Variants in TUB observed in about 807,000 individuals in gnomAD.
TUB encodes tubby protein homolog.
TUB carries 33 observed loss-of-function variants against 59.7 expected under a neutral mutation model. That is an observed-to-expected ratio of 0.55 (90% CI 0.42 to 0.74). TUB has a LOEUF of 0.74. TUB is among the 30% of genes least tolerant of loss of function. The pLI is 0.00. For synonymous variants in TUB, 293 were observed against 256.4 expected, an observed-to-expected ratio of 1.14 and a Z score of -1.36; for missense variants, 659 against 672.0, an observed-to-expected ratio of 0.98 and a Z score of 0.21.
intron 2 of TUB, among the ~76,000 whole-genome samples, chr11:8,047,538 G>A (rs972045549): frequency 6.6e-6 from 1 of 152,182 alleles, no homozygotes; most frequent in African/African-American, 2.4e-5. Context: ...GAGATCCAAG[G>A]CCAGATGCCC....
chr11:8,060,285 C>T (rs1028782985), intron 2 of TUB, among the ~76,000 whole-genome samples: 1 of 152,300 alleles, frequency 6.6e-6, no homozygotes, highest in East Asian at 1.9e-4. Context: ...CTGCCTGGAC[C>T]TTGTTTCTGG....
chr11:8,088,255 G>C (rs1027460137), intron 1 of TUB, among the ~76,000 whole-genome samples: 1 of 152,222 alleles, frequency 6.6e-6, no homozygotes, highest in Non-Finnish European at 1.5e-5. Context: ...GTGGTGGGCA[G>C]TCTGTGTTAT....
At chr11:8,079,168 A>G (rs1397822360), upstream of TUB, among the ~76,000 whole-genome samples, 1 of 152,202 alleles carries the variant, frequency 6.6e-6, no homozygotes, top group Non-Finnish European at 1.5e-5. Context: ...TAATTTGGGA[A>G]TAAAGGGAGG....
chr11:8,031,590 G>C (rs941688397), intron 1 of TUB, among the ~76,000 whole-genome samples: 7 of 152,196 alleles, frequency 4.6e-5, no homozygotes, highest in Admixed American at 4.6e-4. Flanking sequence ...TGAGGTGAGG[G>C]GCTGTGGGGC....
At chr11:8,078,953 G>A (rs534779512), upstream of TUB, among the ~76,000 whole-genome samples, 3 of 152,084 alleles carry the variant, frequency 2.0e-5, no homozygotes, top group East Asian at 5.8e-4. Flanking sequence ...ATACACTGGC[G>A]CTCAGTCCCA....
rs1473675806 is a variant in TUB at position 8,098,778 on chromosome 11, A to C, written c.1019A>C (p.Lys340Thr). 1 of 1,614,066 alleles carries C rather than the reference A, an allele frequency of 6.2e-7. No homozygotes were observed. Among genetic ancestry groups the C allele is most frequent in the East Asian group, 2.2e-5 (1 of 44,878 alleles). ...GKLRSNLMGTKFTVYDNGVNP... is the reference protein window; with the variant it reads ...GKLRSNLMGTTFTVYDNGVNP... The stretch of plus-strand genomic sequence containing the variant: ...TTCAGGTCCAACTTGATGGGCACCA[A>C]GTTCACTGTTTATGACAATGGAGTC... The change falls in exon 9 of 12, where the codon AAG becomes ACG. Residue 340 changes from lysine to threonine, a missense_variant. Lys to Thr is a moderately conservative substitution (Grantham distance 78). Transcript: ENST00000299506.
intron 1 of TUB, among the ~76,000 whole-genome samples, chr11:8,021,057 A>G (rs940370823): frequency 6.6e-6 from 1 of 152,244 alleles, no homozygotes; most frequent in Non-Finnish European, 1.5e-5. Flanking sequence ...ATAAAAGCAG[A>G]AAGACTTTGG....
At chr11:8,032,808 C>T (rs950230258) in intron 1 of TUB, among the ~76,000 whole-genome samples, 1 of 152,208 alleles carries the variant, frequency 6.6e-6, no homozygotes, top group Non-Finnish European at 1.5e-5. Flanking sequence ...GCAACAATTT[C>T]AGAATCTAAC....
At chr11:8,085,222 G>A (rs1943642854) in intron 1 of TUB, among the ~76,000 whole-genome samples, 1 of 152,224 alleles carries the variant, frequency 6.6e-6, no homozygotes, top group African/African-American at 2.4e-5. Context: ...GGTCGCATTT[G>A]CATGGCTGAG....
intron 2 of TUB, among the ~76,000 whole-genome samples, chr11:8,063,420 T>C (rs1297837464): frequency 2.0e-5 from 3 of 152,248 alleles, no homozygotes; most frequent in African/African-American, 4.8e-5. Flanking sequence ...CAGCATGAAG[T>C]AGCCGACTGC....
In TUB at chr11:8,094,091, G is replaced by A. The variant is rs927244436; in HGVS notation, c.299G>A (p.Arg100His). The A allele has an allele frequency of 1.7e-5, 27 of 1,614,050 alleles. No homozygotes were observed. Among genetic ancestry groups the A allele is most frequent in the African/African-American group, 6.7e-5 (5 of 74,910 alleles). Residue 100 changes from arginine (R) to histidine (H), a missense_variant, in exon 4 of 12, where the codon CGC (arginine) becomes CAC (histidine). Transcript: ENST00000299506. Reference sequence around the variant, plus strand: ...GCCAGTGTGCAGCTGGGAGCCACGCGCCCAACAGCACCAGCTTCAGCCAAG... The same window carrying A: ...GCCAGTGTGCAGCTGGGAGCCACGCACCCAACAGCACCAGCTTCAGCCAAG... ...SLASVQLGATRPTAPASAKRT... is the reference protein window; with the variant it reads ...SLASVQLGATHPTAPASAKRT...
At chr11:8,086,551 CA>C (rs1462767875) in intron 1 of TUB, among the ~76,000 whole-genome samples, 1 of 152,148 alleles carries the variant, frequency 6.6e-6, no homozygotes, top group East Asian at 1.9e-4. Context: ...TAGCTAGGAA[CA>C]CCCACCTGGT....
chr11:8,096,629 C>T, intron 5 of TUB, 56 bp from the exon 6 acceptor site: 1 of 1,186,282 alleles, frequency 8.4e-7, no homozygotes, highest in South Asian at 1.2e-5. Context: ...ATGTGTATTT[C>T]AGGGGCAGCG....
At chr11:8,089,529 A>C in intron 1 of TUB, 81 bp from the exon 2 acceptor site, 2 of 1,568,192 alleles carry the variant, frequency 1.3e-6, no homozygotes, top group Non-Finnish European at 1.8e-6. Context: ...TAACGGGCCC[A>C]GATATGCTGG....
intron 1 of TUB, among the ~76,000 whole-genome samples, chr11:8,081,938 C>T (rs1199531920): frequency 6.6e-6 from 1 of 152,244 alleles, no homozygotes; most frequent in African/African-American, 2.4e-5. Context: ...ACGTCCCTGC[C>T]TTGGGCCAAA....
chr11:8,064,438 A>C lies in TUB; in HGVS notation c.203+24746A>C, dbSNP rs75736980. Among the ~76,000 whole-genome samples, 350 of 152,308 alleles carry C rather than the reference A, an allele frequency of 2.3e-3. 2 individuals are homozygous for C. Among genetic ancestry groups the C allele is most frequent in the African/African-American group, 7.9e-3 (330 of 41,554 alleles). ...TGCCTGTTGATCCTAATGAGCATCC[A>C]GGAGCTGCACCAAGAGTTTACCCAG... On this transcript the variant is annotated intron_variant, in intron 2 of 12. Transcript: ENST00000305253.
At chr11:8,034,661 C>T (rs767786106), upstream of TUB, among the ~76,000 whole-genome samples, 5 of 152,192 alleles carry the variant, frequency 3.3e-5, no homozygotes, top group Non-Finnish European at 7.3e-5. Flanking sequence ...TTATCAACAG[C>T]CTCTCTCAGC....
intron 3 of TUB, among the ~76,000 whole-genome samples, chr11:8,091,990 G>A (rs1943791098): frequency 6.6e-6 from 1 of 152,270 alleles, no homozygotes; most frequent in Non-Finnish European, 1.5e-5. Flanking sequence ...CCAGGATTGT[G>A]GGCCCTGCCA....
intron 1 of TUB, among the ~76,000 whole-genome samples, chr11:8,082,621 C>A (rs1014363802): frequency 6.6e-6 from 1 of 152,204 alleles, no homozygotes; most frequent in Non-Finnish European, 1.5e-5. Context: ...ATCCTCAGGT[C>A]CCGCCTTGTA....
Sources: gnomAD v4.1 joint callset for allele counts (sites outside exome capture counted in the v4.1 genomes callset) on GRCh38, gnomAD v4.1.1 for gene constraint, MANE v1.5 for transcripts, NCBI Gene and HGNC (gene_info 2026-07-23, HGNC 2026-07-21) for gene names.